The following NELL2 variants were observed in gnomAD, a reference collection of about 807,000 sequenced individuals.
NELL2 encodes protein kinase C-binding protein NELL2.
A neutral mutation model predicts 109.6 loss-of-function variants in NELL2; 41 were observed. The observed-to-expected ratio is 0.37, with a 90% CI of 0.29 to 0.49. The LOEUF is 0.49. Ranked by LOEUF, NELL2 falls within the 20% of genes least tolerant of loss-of-function variation. The probability of loss-of-function intolerance (pLI) is 0.98; values close to 1 mark genes in which losing one functional copy is unlikely to be tolerated. For missense variants in NELL2, 900 were observed against 1,008.3 expected, an observed-to-expected ratio of 0.89 and a Z score of 1.45; for synonymous variants, 355 against 344.7, an observed-to-expected ratio of 1.03 and a Z score of -0.33.
chr12:44,781,094 T>A (rs766113378), intron 3 of NELL2, among the ~76,000 whole-genome samples: 16 of 151,410 alleles, frequency 1.1e-4, no homozygotes, highest in Non-Finnish European at 2.2e-4. Context: ...GATGTTAGAA[T>A]TACCCAACAA....
At chr12:44,555,971 T>C (rs1037640153) in intron 15 of NELL2, among the ~76,000 whole-genome samples, 1 of 152,194 alleles carries the variant, frequency 6.6e-6, no homozygotes, top group African/African-American at 2.4e-5. Flanking sequence ...AGGTGCATGC[T>C]GCCTTCAGGT....
At chr12:44,694,585 C>T (rs916702706) in intron 12 of NELL2, among the ~76,000 whole-genome samples, 3 of 150,978 alleles carry the variant, frequency 2.0e-5, no homozygotes, top group Non-Finnish European at 4.4e-5. Flanking sequence ...AGAACCCTGA[C>T]TAATACAGTA....
intron 12 of NELL2, among the ~76,000 whole-genome samples, chr12:44,701,961 C>T (rs752764547): frequency 9.2e-5 from 14 of 152,080 alleles, no homozygotes; most frequent in African/African-American, 1.2e-4. Flanking sequence ...TTCTTTTGTC[C>T]GCTCCACTAC....
At chr12:44,516,724 GAT>G (rs1941276754) in intron 19 of NELL2, among the ~76,000 whole-genome samples, 1 of 152,126 alleles carries the variant, frequency 6.6e-6, no homozygotes, top group African/African-American at 2.4e-5. Context: ...GCAGTGGCAT[GAT>G]CATGGCTGAC....
At chr12:44,831,703 A>G (rs1385997378) in intron 2 of NELL2, among the ~76,000 whole-genome samples, 1 of 152,214 alleles carries the variant, frequency 6.6e-6, no homozygotes, top group African/African-American at 2.4e-5. Flanking sequence ...ATTATTAAAA[A>G]GGAACTGATT....
At chr12:44,778,279 T>C (rs1941826457) in intron 5 of NELL2, among the ~76,000 whole-genome samples, 2 of 152,206 alleles carry the variant, frequency 1.3e-5, no homozygotes, top group African/African-American at 4.8e-5. Context: ...ATCTGATTAA[T>C]AGCATGTATC....
At chr12:44,749,495 G>A (rs1354000391) in intron 9 of NELL2, among the ~76,000 whole-genome samples, 1 of 152,034 alleles carries the variant, frequency 6.6e-6, no homozygotes, top group Non-Finnish European at 1.5e-5. Flanking sequence ...CACTGAAGCA[G>A]GTGTCAGATG....
At chr12:44,732,343 C>T (rs58963961) in intron 9 of NELL2, among the ~76,000 whole-genome samples, 28 of 151,918 alleles carry the variant, frequency 1.8e-4, no homozygotes, top group African/African-American at 6.0e-4. Flanking sequence ...TACATAAAAC[C>T]GTATGGTTTT....
At chr12:44,512,690 A>G (rs994040703) in intron 19 of NELL2, among the ~76,000 whole-genome samples, 5 of 152,124 alleles carry the variant, frequency 3.3e-5, no homozygotes, top group Non-Finnish European at 5.9e-5. Context: ...TGAGACTTGG[A>G]GGACATTATG....
chr12:44,725,766 A>C, intron 9 of NELL2, among the ~76,000 whole-genome samples: 1 of 152,116 alleles, frequency 6.6e-6, no homozygotes, highest in East Asian at 1.9e-4. Context: ...ACCAAATACC[A>C]CATGTTTTCA....
At chr12:44,762,670 T>C (rs1386534384) in intron 9 of NELL2, among the ~76,000 whole-genome samples, 1 of 152,194 alleles carries the variant, frequency 6.6e-6, no homozygotes, top group Admixed American at 6.5e-5. Context: ...ACACAGAGCC[T>C]CTGAATATTC....
chr12:44,552,214 T>A (rs182613045), intron 15 of NELL2, among the ~76,000 whole-genome samples: 38 of 152,298 alleles, frequency 2.5e-4, no homozygotes, highest in Admixed American at 9.1e-4. Context: ...CAAACATAAA[T>A]TTTTCTGAAA....
In NELL2 at chr12:44,758,785, T is replaced by C. The variant is rs1313888320; in HGVS notation, c.994+15962A>G. 3.3e-5 allele frequency among the ~76,000 whole-genome samples: 5 copies of C among 152,236 alleles called. No homozygotes were observed. In the East Asian group the frequency reaches 9.6e-4, roughly 29 times the overall value. On this transcript the variant is annotated intron_variant, in intron 9 of 19. Transcript: ENST00000429094. ...TTAACTGCCACTCACTCAGGACCAC[T>C]GTTATTTCCACCTCATGACTGAAAT... is the stretch of plus-strand genomic sequence containing the variant.
Position 44,867,979 on chromosome 12 carries a change from G to A in NELL2, c.184+7246C>T, listed in dbSNP as rs191621301. Among the ~76,000 whole-genome samples, 51 of 151,962 alleles carry A rather than the reference G, an allele frequency of 3.4e-4. No homozygotes were observed. The East Asian group carries it at 9.3e-3, about 28-fold the overall frequency. ...TACTAAAAATACAAAAATTAGCCGG[G>A]TGTAGTGACGGGTGCCTGTAATCTC... On this transcript the variant is annotated intron_variant, in intron 2 of 19. Coordinates refer to ENST00000429094, the MANE Select transcript of NELL2 (RefSeq NM_001145108.2).
intron 9 of NELL2, among the ~76,000 whole-genome samples, chr12:44,751,417 AT>A (rs1386308250): frequency 6.6e-6 from 1 of 152,182 alleles, no homozygotes; most frequent in Admixed American, 6.5e-5. Flanking sequence ...TTAATTGGAA[AT>A]TTGAATCATA....
rs1463605742 is a variant in NELL2, at chr12:44,789,045, C to T, written c.336-9023G>A. Among the ~76,000 whole-genome samples, 4 of 152,078 alleles carry T rather than the reference C, an allele frequency of 2.6e-5. No individual in the cohort carries two copies. The East Asian group carries it at 7.7e-4, about 29-fold the overall frequency. ...CAGACATGCCTAGCCCTGCCCCCAC[C>T]TGATGGTCCTTCCCTACTCACCCTG... On this transcript the variant is annotated intron_variant, in intron 3 of 19. Transcript: ENST00000429094.
chr12:44,724,756 C>T (rs1938976627), intron 9 of NELL2, among the ~76,000 whole-genome samples: 1 of 147,892 alleles, frequency 6.8e-6, no homozygotes, highest in Non-Finnish European at 1.5e-5. Flanking sequence ...AAAAAAAAAA[C>T]CTACTTTAAA....
intron 9 of NELL2, among the ~76,000 whole-genome samples, chr12:44,740,207 A>C (rs975266981): frequency 2.0e-5 from 3 of 152,312 alleles, no homozygotes; most frequent in East Asian, 1.9e-4. Context: ...CCTGTGAGGC[A>C]ACTTCTCAGA....
At chr12:44,629,474 A>C (rs1334113138) in intron 13 of NELL2, among the ~76,000 whole-genome samples, 1 of 152,174 alleles carries the variant, frequency 6.6e-6, no homozygotes. Flanking sequence ...ATAAACCAGC[A>C]GCAAAGCATT....
Sources: gnomAD v4.1 joint callset for allele counts (sites outside exome capture counted in the v4.1 genomes callset) on GRCh38, gnomAD v4.1.1 for gene constraint, MANE v1.5 for transcripts, NCBI Gene and HGNC (gene_info 2026-07-23, HGNC 2026-07-21) for gene names.